TTN: variants seen among roughly 807,000 people sequenced by gnomAD.
TTN encodes titin.
Under a neutral mutation model 3,223.0 loss-of-function variants are expected in TTN, and 1,525 were observed. The ratio of observed to expected loss-of-function variants is 0.47; its 90% CI spans 0.45 to 0.49. The LOEUF is 0.49. Ranked by LOEUF, TTN falls within the 20% of genes least tolerant of loss-of-function variation. The pLI, the probability that TTN is intolerant of heterozygous loss-of-function variation, is 0.00. For synonymous variants in TTN, 14,094 were observed against 15,161.0 expected, an observed-to-expected ratio of 0.93 and a Z score of 5.17; for missense variants, 40,786 against 43,424.0, an observed-to-expected ratio of 0.94 and a Z score of 5.40.
chr2:178,622,912 C>T (rs1011753168), intron 242 of TTN, 145 bp from the exon 243 acceptor site: 1 of 684,480 alleles, frequency 1.5e-6, no homozygotes, highest in Non-Finnish European at 2.5e-6. Flanking sequence ...TCACTTGAAG[C>T]TGCCCATCAG....
intron 344 of TTN, 82 bp from the exon 345 acceptor site, chr2:178,544,588 C>T: frequency 8.0e-7 from 1 of 1,244,116 alleles, no homozygotes; most frequent in Non-Finnish European, 1.1e-6. Flanking sequence ...TCAAGACTCA[C>T]AAAGGCATTA....
chr2:178,729,966 G>A (rs2080102727), intron 62 of TTN, 21 bp from the exon 63 acceptor site: 1 of 1,604,536 alleles, frequency 6.2e-7, no homozygotes, highest in African/African-American at 1.3e-5. Context: ...AAAAAGAATT[G>A]TGATGTTGAA....
intron 43 of TTN, among the ~76,000 whole-genome samples, chr2:178,761,305 C>A (rs778702320): frequency 6.6e-6 from 1 of 152,098 alleles, no homozygotes; most frequent in Non-Finnish European, 1.5e-5. Flanking sequence ...AAAAAGTAAA[C>A]CTGATCATGG....
At chr2:178,777,090 T>A (rs1286823167) in intron 27 of TTN, 41 bp from the exon 28 acceptor site, 1 of 1,613,958 alleles carries the variant, frequency 6.2e-7, no homozygotes. Context: ...TATAGTGGTA[T>A]AGCTTCCCTG....
Position 178,633,556 on chromosome 2 carries a change from T to A in TTN, c.42803A>T (p.Glu14268Val). The A allele has an allele frequency of 6.2e-7, 1 of 1,613,418 alleles. No homozygotes were observed. Among genetic ancestry groups the A allele is most frequent in the South Asian group, 1.1e-5 (1 of 91,080 alleles). ...AGAATATTTGGGTGAAGGGACAATC[T>A]CTTCACCATCTTTGAACCATTTCAC... ...VPVKWFKDGE[E>V]IVPSPKYSIK... Residue 14268 changes from glutamate to valine, a missense_variant, in exon 232 of 363, where the codon GAG (glutamate) becomes GTG (valine). Physicochemically the swap from Glu to Val is moderately radical, Grantham distance 121. Transcript: ENST00000589042.
Position 178,723,220 on chromosome 2 carries a change from AAGT to A in TTN, c.21784_21786del (p.Thr7262del), listed in dbSNP as rs763986718. The A allele has an allele frequency of 3.1e-5, 50 of 1,613,420 alleles. No homozygotes were observed. Among genetic ancestry groups the A allele is most frequent in the Admixed American group, 2.3e-4 (14 of 59,952 alleles). On this transcript the variant is annotated inframe_deletion, in exon 75 of 363. Coordinates refer to ENST00000589042, the MANE Select transcript of TTN (RefSeq NM_001267550.2). Reference sequence around the variant, plus strand: ...GTTATGTTAAAACCATCCTTTTTCCAAGTGACAGAAATTGGAAGTGTTCCAGTG... The same window carrying A: ...GTTATGTTAAAACCATCCTTTTTCCAGACAGAAATTGGAAGTGTTCCAGTG...
Position 178,531,063 on chromosome 2 carries a change from T to G in TTN, c.105552A>C (p.Ser35184=). ...RHQVTTTKYK[S]TFEISSVQAS... The stretch of plus-strand genomic sequence containing the variant: ...CCTGGACTGAAGAGATCTCAAAGGT[T>G]GATTTGTACTTTGTGGTGGTCACTT... The change falls in exon 358 of 363, where the codon TCA becomes TCC. Residue 35184 remains serine, a synonymous_variant. Coordinates refer to ENST00000589042, the MANE Select transcript of TTN (RefSeq NM_001267550.2). 1 of 1,613,938 alleles carries G rather than the reference T, an allele frequency of 6.2e-7. No homozygotes were observed.
rs776006935 is a variant in TTN, at chr2:178,570,209, G to A, written c.75923C>T (p.Pro25308Leu). Residue 25308 changes from proline to leucine, a missense_variant, in exon 326 of 363, where the codon CCA becomes CTA. Physicochemically the swap from Pro to Leu is moderately conservative, Grantham distance 98. Coordinates refer to ENST00000589042, the MANE Select transcript of TTN (RefSeq NM_001267550.2). ...CACTGTTGTGACTTCTGGAGCTTTT[G>A]GTGCATCTGGTACTACAAATGGATT... ...AKNPFVVPDA[P>L]KAPEVTTVTK... 4 of 1,613,336 alleles carry A rather than the reference G, an allele frequency of 2.5e-6. No homozygotes were observed. The highest frequency in any genetic ancestry group is 3.4e-6 in the Non-Finnish European group (4 of 1,179,602).
At chr2:178,542,197 C>T in intron 349 of TTN, 67 bp downstream of exon 349, 1 of 1,469,322 alleles carries the variant, frequency 6.8e-7, no homozygotes, top group Admixed American at 2.2e-5. Flanking sequence ...ATATTAAAAA[C>T]AAATTCTTTT....
chr2:178,606,349 A>G (rs2054812034), intron 278 of TTN, among the ~76,000 whole-genome samples: 1 of 151,200 alleles, frequency 6.6e-6, no homozygotes, highest in African/African-American at 2.4e-5. Context: ...TTCATAGATG[A>G]GCTGCAGCAG....
chr2:178,711,428 G>GTA, intron 96 of TTN, 79 bp from the exon 97 acceptor site: 1 of 1,336,786 alleles, frequency 7.5e-7, no homozygotes, highest in Middle Eastern at 1.9e-4. Context: ...ACAAACGCAC[G>GTA]TATATATGCA....
Position 178,542,303 on chromosome 2 carries a change from A to G in TTN, c.97453T>C (p.Tyr32485His). 1 of 1,612,118 alleles carries G rather than the reference A, an allele frequency of 6.2e-7. No individual in the cohort carries two copies. Among genetic ancestry groups the G allele is most frequent in the Non-Finnish European group, 8.5e-7 (1 of 1,179,086 alleles). ...AATNRFGIGS[Y>H]LQSEVIECRS... Reference sequence around the variant, plus strand: ...CACTCTATGACCTCAGACTGCAAGTAAGAGCCAATCCCGAAGCGGTTTGTT... The same window carrying G: ...CACTCTATGACCTCAGACTGCAAGTGAGAGCCAATCCCGAAGCGGTTTGTT... The change falls in exon 349 of 363, where the codon TAC becomes CAC. Residue 32485 changes from tyrosine (Y) to histidine (H), a missense_variant. Physicochemically the swap from Tyr to His is moderately conservative, Grantham distance 83. Coordinates refer to ENST00000589042, the MANE Select transcript of TTN (RefSeq NM_001267550.2).
At chr2:178,697,326 C>T (rs1384319604) in intron 112 of TTN, among the ~76,000 whole-genome samples, 158 bp from the exon 113 acceptor site, 6 of 152,052 alleles carry the variant, frequency 3.9e-5, no homozygotes, top group Admixed American at 1.3e-4. Flanking sequence ...TCTATAATTT[C>T]CAAATCTAGC....
At chr2:178,647,339 G>A in intron 214 of TTN, 42 bp downstream of exon 214, 2 of 1,538,248 alleles carry the variant, frequency 1.3e-6, no homozygotes, top group Non-Finnish European at 1.8e-6. Context: ...AGAGGATGAA[G>A]ACAATTGTCA....
In TTN at chr2:178,653,267, G is replaced by A. The variant is rs1370280384; in HGVS notation, c.38762C>T (p.Pro12921Leu). ...VLEKKVPLAP[P>L]KKPEVPPVKV... ...AACAGGTGGGACTTCAGGCTTTTTA[G>A]GAGGAGCCAAGGGCACTTTCTTTTC... is the stretch of plus-strand genomic sequence containing the variant. Residue 12921 changes from proline to leucine, a missense_variant, in exon 198 of 363, where the codon CCT becomes CTT. By Grantham distance (98) the Pro-to-Leu change is moderately conservative. Coordinates refer to ENST00000589042, the MANE Select transcript of TTN (RefSeq NM_001267550.2). 6.2e-7 allele frequency: 1 copy of A among 1,612,462 alleles called. No homozygotes were observed. The highest frequency in any genetic ancestry group is 2.2e-5 in the East Asian group (1 of 44,772).
rs530188863 is a variant in TTN at position 178,734,217 on chromosome 2, A to G, written c.15496+111T>C. The G allele has an allele frequency of 5.6e-5, 76 of 1,359,396 alleles. No homozygotes were observed. In the African/African-American group the frequency reaches 9.5e-4, roughly 17 times the overall value. The allele number at this position is 1,359,396 out of a possible 1,614,324, so 84.2% of individuals were successfully genotyped here. On this transcript the variant is annotated intron_variant, in intron 52 of 362. Coordinates refer to ENST00000589042, the MANE Select transcript of TTN (RefSeq NM_001267550.2). Reference sequence around the variant, plus strand: ...CAAGGTCCCAGGTCAAACCAAGACAAAACAAATTTAAAGGATAGGACAAGA... The same window carrying G: ...CAAGGTCCCAGGTCAAACCAAGACAGAACAAATTTAAAGGATAGGACAAGA...
At chr2:178,602,190 T>G in intron 283 of TTN, 40 bp from the exon 284 acceptor site, 1 of 1,593,292 alleles carries the variant, frequency 6.3e-7, no homozygotes, top group Non-Finnish European at 8.5e-7. Flanking sequence ...TTAGCTCATA[T>G]TTGTCAAAAG....
At chr2:178,683,105 C>T (rs1227320619) in intron 134 of TTN, 106 bp downstream of exon 134, 2 of 986,294 alleles carry the variant, frequency 2.0e-6, no homozygotes, top group East Asian at 5.2e-5. Flanking sequence ...ATACCCTGCC[C>T]TTAATCAACA....
At position 178,634,798 on chromosome 2, in the gene TTN, C is replaced by G; in HGVS notation, c.42076G>C (p.Val14026Leu). 1 of 1,612,940 alleles carries G rather than the reference C, an allele frequency of 6.2e-7. No individual in the cohort carries two copies. Among genetic ancestry groups the G allele is most frequent in the Non-Finnish European group, 8.5e-7 (1 of 1,179,376 alleles). ...ACTTCACCAGCTTGGTCCAGTTTGACTTTGTGCAAAGTTAAGAAGCGTTTT... is the reference window on the plus strand; with the variant it reads ...ACTTCACCAGCTTGGTCCAGTTTGAGTTTGTGCAAAGTTAAGAAGCGTTTT... ...GGKRFLTLHK[V>L]KLDQAGEVLY... Residue 14026 changes from valine to leucine, a missense_variant, in exon 229 of 363, where the codon GTC (valine) becomes CTC (leucine). Transcript: ENST00000589042. The surrounding 1 kb of genome is among the most constrained non-coding windows in gnomAD (Gnocchi z 4.6).
Sources: gnomAD v4.1 joint callset for allele counts (sites outside exome capture counted in the v4.1 genomes callset) on GRCh38, gnomAD v4.1.1 for gene constraint, Gnocchi (gnomAD v3.1) non-coding constraint, MANE v1.5 for transcripts, NCBI Gene and HGNC (gene_info 2026-07-23, HGNC 2026-07-21) for gene names.